Variants in AASDHPPT observed in about 807,000 individuals in gnomAD.
AASDHPPT encodes aminoadipate-semialdehyde dehydrogenase-phosphopantetheinyl transferase, also known as L-aminoadipate-semialdehyde dehydrogenase-phosphopantetheinyl transferase.
Under a neutral mutation model 36.4 loss-of-function variants are expected in AASDHPPT, and 23 were observed. The ratio of observed to expected loss-of-function variants is 0.63; its 90% CI spans 0.45 to 0.89. The LOEUF (loss-of-function observed/expected upper bound fraction) is 0.89. Ranked by LOEUF, AASDHPPT falls within the 40% of genes least tolerant of loss-of-function variation. The pLI is 0.00. For missense variants in AASDHPPT, 377 were observed against 378.2 expected (o/e 1.00, Z 0.03); for synonymous variants, 115 against 128.0 (o/e 0.90, Z 0.68).
chr11:106,095,604 G>A (rs1360776518), intron 5 of AASDHPPT, among the ~76,000 whole-genome samples: 2 of 152,144 alleles, frequency 1.3e-5, no homozygotes, highest in African/African-American at 2.4e-5. Context: ...AAAACTACAT[G>A]CATTCCATTA....
intron 5 of AASDHPPT, chr11:106,096,514 G>GT (rs1861315205): frequency 2.9e-6 from 1 of 341,038 alleles, no homozygotes; most frequent in Non-Finnish European, 5.2e-6. Flanking sequence ...AATACCACAG[G>GT]TTTTTGTTAT....
intron 2 of AASDHPPT, among the ~76,000 whole-genome samples, chr11:106,087,341 T>G (rs1460656333): frequency 1.3e-5 from 2 of 152,194 alleles, no homozygotes; most frequent in East Asian, 3.9e-4. Context: ...AACTCATATC[T>G]TAGAAGACTG....
Position 106,080,331 on chromosome 11 carries a change from A to T in AASDHPPT, c.409+639A>T, listed in dbSNP as rs142892868. ...TGGAACCAGTCCCCAGTGGATACCA[A>T]CGGGCGACTCTTTGTTCTGCATCTA... On this transcript the variant is annotated intron_variant, in intron 2 of 5. Transcript: ENST00000278618. Among the ~76,000 whole-genome samples the T allele has an allele frequency of 7.4e-3, 1,121 of 152,274 alleles. 20 individuals are homozygous for T. The highest frequency in any genetic ancestry group is 0.025 in the African/African-American group (1,052 of 41,568).
chr11:106,091,640 T>C (rs1861258203), intron 4 of AASDHPPT, 163 bp downstream of exon 4: 1 of 594,416 alleles, frequency 1.7e-6, no homozygotes, highest in South Asian at 3.0e-5. Flanking sequence ...GTAACATTTA[T>C]ACTAATACTT....
intron 1 of AASDHPPT, 104 bp downstream of exon 1, chr11:106,077,997 C>G: frequency 7.2e-7 from 1 of 1,386,836 alleles, no homozygotes; most frequent in Non-Finnish European, 9.7e-7. Context: ...GCGACCCTCT[C>G]GCTGTGGAGC....
intron 1 of AASDHPPT, 83 bp from the exon 2 acceptor site, chr11:106,079,383 AC>A: frequency 8.1e-7 from 1 of 1,234,844 alleles, no homozygotes; most frequent in Non-Finnish European, 1.1e-6. Flanking sequence ...AATTTTAGAA[AC>A]CAAAAAAAAG....
rs1861319373 is a variant in AASDHPPT at position 106,096,852 on chromosome 11, G to C, written c.875G>C (p.Trp292Ser). 6.2e-7 allele frequency: 1 copy of C among 1,611,364 alleles called. No homozygotes were observed. The highest frequency in any genetic ancestry group is 1.3e-5 in the African/African-American group (1 of 74,738). The change falls in exon 6 of 6, where the codon TGG becomes TCG. Residue 292 changes from tryptophan (W) to serine (S), a missense_variant. Transcript: ENST00000278618. ...ATGACACCTGAAGATCCTTCATTTT[G>C]GGACTGTTTTTGCTTCACAGAAGAA... ...VPMTPEDPSF[W>S]DCFCFTEEIP...
chr11:106,079,559 A>G lies in AASDHPPT; in HGVS notation c.276A>G (p.Pro92=), dbSNP rs780530802. Residue 92 remains proline (P), a synonymous_variant, in exon 2 of 6, where the codon CCA becomes CCG. Transcript: ENST00000278618. ...TGCAAAGAACTGCAAAAGGAAAACC[A>G]GTTCTTGCAAAGGACTCATCGAATC... is the stretch of plus-strand genomic sequence containing the variant. ...IRLQRTAKGK[P]VLAKDSSNPY... is the part of the protein sequence containing the mutation. The G allele has an allele frequency of 2.5e-6, 4 of 1,614,178 alleles. No individual in the cohort carries two copies. Among genetic ancestry groups the G allele is most frequent in the Non-Finnish European group, 3.4e-6 (4 of 1,180,012 alleles).
At chr11:106,083,010 CT>C (rs1015479262) in intron 2 of AASDHPPT, among the ~76,000 whole-genome samples, 6 of 152,052 alleles carry the variant, frequency 3.9e-5, no homozygotes, top group Non-Finnish European at 5.9e-5. Flanking sequence ...ACATGTTCGT[CT>C]TTACATTTTT....
At chr11:106,080,079 G>A (rs7928790) in intron 2 of AASDHPPT, among the ~76,000 whole-genome samples, 143,669 of 152,250 alleles carry the variant, frequency 0.94, 68,268 homozygotes, top group Non-Finnish European at 1. Flanking sequence ...TAGAGATAAC[G>A]TATACAGTTG....
chr11:106,082,900 G>C lies in AASDHPPT; in HGVS notation c.409+3208G>C, dbSNP rs948282309. Among the ~76,000 whole-genome samples the C allele has an allele frequency of 2.6e-5, 4 of 151,928 alleles. No individual in the cohort carries two copies. In the East Asian group the frequency reaches 7.7e-4, roughly 29 times the overall value. On this transcript the variant is annotated intron_variant, in intron 2 of 5. Transcript: ENST00000278618. Reference sequence around the variant, plus strand: ...GGTAACTTTTGAATTGTTTAGTTTTGTGACCATATTTACAAAGTAAGGCAA... The same window carrying C: ...GGTAACTTTTGAATTGTTTAGTTTTCTGACCATATTTACAAAGTAAGGCAA...
intron 2 of AASDHPPT, 139 bp from the exon 3 acceptor site, chr11:106,090,418 A>T: frequency 1.7e-6 from 1 of 599,706 alleles, no homozygotes; most frequent in Non-Finnish European, 2.6e-6. Flanking sequence ...GATTTTGTTT[A>T]GGATTATTTT....
At chr11:106,095,370 T>C (rs545557191) in intron 5 of AASDHPPT, among the ~76,000 whole-genome samples, 2 of 152,316 alleles carry the variant, frequency 1.3e-5, no homozygotes, top group African/African-American at 2.4e-5. Flanking sequence ...TTTAAAGTAA[T>C]ATCCTGAATT....
intron 2 of AASDHPPT, among the ~76,000 whole-genome samples, chr11:106,085,465 C>T (rs1382929221): frequency 2.7e-5 from 4 of 150,822 alleles, no homozygotes; most frequent in Non-Finnish European, 5.9e-5. Context: ...TGAAAGATGG[C>T]TTTTGAAGCT....
intron 2 of AASDHPPT, among the ~76,000 whole-genome samples, chr11:106,080,977 A>G (rs576537459): frequency 2.4e-4 from 36 of 152,312 alleles, no homozygotes; most frequent in Non-Finnish European, 3.7e-4. Flanking sequence ...TTATTCCAGT[A>G]ATGTATCTCA....
At chr11:106,080,463 T>G (rs1320300030) in intron 2 of AASDHPPT, among the ~76,000 whole-genome samples, 2 of 152,200 alleles carry the variant, frequency 1.3e-5, no homozygotes, top group Admixed American at 6.5e-5. Context: ...AGTGGTGGCT[T>G]TAAGGACCAC....
At chr11:106,083,616 C>G (rs913675424) in intron 2 of AASDHPPT, among the ~76,000 whole-genome samples, 3 of 151,898 alleles carry the variant, frequency 2.0e-5, no homozygotes, top group Non-Finnish European at 2.9e-5. Flanking sequence ...ATGGTACTAG[C>G]GAAAGAATAG....
At chr11:106,095,565 T>G (rs568316969) in intron 5 of AASDHPPT, among the ~76,000 whole-genome samples, 36 of 152,318 alleles carry the variant, frequency 2.4e-4, no homozygotes, top group African/African-American at 8.4e-4. Context: ...TGCAGAAGTA[T>G]TTATTTAAGG....
chr11:106,081,302 A>G (rs2135036087), intron 2 of AASDHPPT, among the ~76,000 whole-genome samples: 1 of 152,332 alleles, frequency 6.6e-6, no homozygotes, highest in East Asian at 1.9e-4. Flanking sequence ...TTTGTTCAGA[A>G]CAAGGCCCTA....
Sources: gnomAD v4.1 joint callset for allele counts (sites outside exome capture counted in the v4.1 genomes callset) on GRCh38, gnomAD v4.1.1 for gene constraint, MANE v1.5 for transcripts, NCBI Gene and HGNC (gene_info 2026-07-23, HGNC 2026-07-21) for gene names.